Variants in GABBR2 observed in about 807,000 individuals in gnomAD.
GABBR2 encodes the protein gamma-aminobutyric acid type B receptor subunit 2.
A neutral mutation model predicts 105.6 loss-of-function variants in GABBR2; 23 were observed. The ratio of observed to expected loss-of-function variants is 0.22; its 90% CI spans 0.16 to 0.31. The LOEUF is 0.31. Ranked by LOEUF, GABBR2 falls within the 10% of genes least tolerant of loss-of-function variation. GABBR2 has a pLI of 1.00. For synonymous variants in GABBR2, 478 were observed against 499.7 expected (o/e 0.96, Z 0.58); for missense variants, 734 against 1,245.5 (o/e 0.59, Z 6.18).
In GABBR2 at chr9:98,341,854, C is replaced by T. The variant is rs570296170; in HGVS notation, c.1893+20861G>A. On this transcript the variant is annotated intron_variant, in intron 13 of 18. Transcript: ENST00000259455. ...TGTAATATTAAATTAAATTGCAACT[C>T]GGCAAAGACATTTCTTCGAGAAGCC... is the stretch of plus-strand genomic sequence containing the variant. Among the ~76,000 whole-genome samples the T allele has an allele frequency of 5.3e-5, 8 of 152,218 alleles. No homozygotes were observed. In the East Asian group the frequency reaches 9.6e-4, roughly 18 times the overall value.
intron 7 of GABBR2, among the ~76,000 whole-genome samples, chr9:98,435,967 C>T (rs145504448): frequency 1.0e-3 from 158 of 151,998 alleles, no homozygotes; most frequent in African/African-American, 3.7e-3. Context: ...AATGGTTATT[C>T]GGATGATTAT....
At chr9:98,295,941 T>A (rs894539377) in intron 17 of GABBR2, among the ~76,000 whole-genome samples, 3 of 152,188 alleles carry the variant, frequency 2.0e-5, no homozygotes, top group African/African-American at 7.2e-5. Context: ...TAATCCTGTA[T>A]AGGAGCAATG....
intron 1 of GABBR2, among the ~76,000 whole-genome samples, chr9:98,657,474 C>A (rs1415359370): frequency 6.6e-6 from 1 of 152,180 alleles, no homozygotes; most frequent in Non-Finnish European, 1.5e-5. Context: ...ATCTGGCCAG[C>A]CCCTGTGGAA....
chr9:98,681,683 T>G (rs2131869908), intron 1 of GABBR2, among the ~76,000 whole-genome samples: 1 of 152,280 alleles, frequency 6.6e-6, no homozygotes, highest in African/African-American at 2.4e-5. Context: ...TAAAAATTAT[T>G]TTTTATAAAA....
chr9:98,662,693 C>CAGAT (rs1334145635), intron 1 of GABBR2, among the ~76,000 whole-genome samples: 1 of 152,164 alleles, frequency 6.6e-6, no homozygotes, highest in Non-Finnish European at 1.5e-5. Flanking sequence ...CCCTGCTCTC[C>CAGAT]AGATTCTCCT....
At chr9:98,460,365 G>T (rs949099961) in intron 6 of GABBR2, among the ~76,000 whole-genome samples, 3 of 152,112 alleles carry the variant, frequency 2.0e-5, no homozygotes, top group African/African-American at 4.8e-5. Context: ...GACAGAGCAA[G>T]ACTCTATCTC....
intron 3 of GABBR2, among the ~76,000 whole-genome samples, chr9:98,536,994 C>T (rs1360232210): frequency 6.6e-6 from 1 of 152,168 alleles, no homozygotes; most frequent in Non-Finnish European, 1.5e-5. Context: ...GGTCTCCCAC[C>T]ACCAGAGGGC....
intron 1 of GABBR2, among the ~76,000 whole-genome samples, chr9:98,599,647 C>T (rs974679967): frequency 2.0e-5 from 3 of 152,228 alleles, no homozygotes; most frequent in Admixed American, 6.5e-5. Context: ...CCCTCAGACA[C>T]AGTATGCAGT....
chr9:98,494,765 G>T (rs550806208), intron 4 of GABBR2, among the ~76,000 whole-genome samples: 13 of 152,346 alleles, frequency 8.5e-5, no homozygotes, highest in African/African-American at 3.1e-4. Context: ...TATTTCGGCT[G>T]TTATTTTCAT....
chr9:98,320,118 A>C (rs1186913660), intron 13 of GABBR2, among the ~76,000 whole-genome samples: 3 of 151,978 alleles, frequency 2.0e-5, no homozygotes, highest in Non-Finnish European at 4.4e-5. Context: ...AATGAACTCA[A>C]ACAAATTTAC....
At chr9:98,468,873 T>A (rs1826610786) in intron 6 of GABBR2, among the ~76,000 whole-genome samples, 1 of 152,114 alleles carries the variant, frequency 6.6e-6, no homozygotes, top group Non-Finnish European at 1.5e-5. Flanking sequence ...GATTTGGATG[T>A]GTCCCTAAGC....
chr9:98,428,997 G>C (rs1825750968), intron 7 of GABBR2, among the ~76,000 whole-genome samples: 1 of 152,120 alleles, frequency 6.6e-6, no homozygotes. Context: ...CAGCTTTCTG[G>C]GTAGGTTGGC....
chr9:98,456,194 C>T (rs1330116343), intron 6 of GABBR2, among the ~76,000 whole-genome samples: 1 of 152,166 alleles, frequency 6.6e-6, no homozygotes, highest in African/African-American at 2.4e-5. Context: ...AAACAGTCCA[C>T]TATGAAGCTC....
Position 98,396,790 on chromosome 9 carries a change from C to T in GABBR2, c.1298-2535G>A, listed in dbSNP as rs554051566. On this transcript the variant is annotated intron_variant, in intron 8 of 18. Transcript: ENST00000259455. ...GGGAATGGTGTGGCTGGCACCCCAC[C>T]GCACCCCGGCCACACAGCCTGCCCC... Among the ~76,000 whole-genome samples the T allele has an allele frequency of 5.9e-5, 9 of 152,236 alleles. No homozygotes were observed. In the South Asian group the frequency reaches 1.2e-3, roughly 21 times the overall value.
chr9:98,325,211 A>G (rs1341785535), intron 13 of GABBR2, among the ~76,000 whole-genome samples: 1 of 149,042 alleles, frequency 6.7e-6, no homozygotes, highest in African/African-American at 2.5e-5. Context: ...TGAAATCTAT[A>G]CTTCAGGGAC....
chr9:98,673,934 C>A (rs533555623), intron 1 of GABBR2, among the ~76,000 whole-genome samples: 3 of 152,232 alleles, frequency 2.0e-5, no homozygotes, highest in African/African-American at 7.2e-5. Flanking sequence ...GGCAAAGCCT[C>A]GTTTGAGGCC....
chr9:98,467,250 G>A (rs933776775), intron 6 of GABBR2, among the ~76,000 whole-genome samples: 1 of 152,160 alleles, frequency 6.6e-6, no homozygotes, highest in South Asian at 2.1e-4. Flanking sequence ...GGGGAGGAGA[G>A]GTATGGATGT....
chr9:98,669,281 G>A (rs1488523720), intron 1 of GABBR2, among the ~76,000 whole-genome samples: 3 of 152,112 alleles, frequency 2.0e-5, no homozygotes, highest in Non-Finnish European at 2.9e-5. Flanking sequence ...GTGACTCGTG[G>A]TTTTGATTTG....
intron 7 of GABBR2, among the ~76,000 whole-genome samples, chr9:98,442,225 G>T (rs1826044970): frequency 1.3e-5 from 2 of 152,212 alleles, no homozygotes; most frequent in Non-Finnish European, 2.9e-5. Flanking sequence ...TTTCAGTGAG[G>T]CTGGCCCAGA....
Sources: gnomAD v4.1 joint callset for allele counts (sites outside exome capture counted in the v4.1 genomes callset) on GRCh38, gnomAD v4.1.1 for gene constraint, MANE v1.5 for transcripts, NCBI Gene and HGNC (gene_info 2026-07-23, HGNC 2026-07-21) for gene names.